The following MAST4 variants were observed in gnomAD, a reference collection of about 807,000 sequenced individuals.
MAST4 encodes the protein microtubule-associated serine/threonine-protein kinase 4.
MAST4 carries 89 observed loss-of-function variants against 162.7 expected under a neutral mutation model. The observed-to-expected ratio is 0.55, with a 90% CI of 0.46 to 0.65. The LOEUF (loss-of-function observed/expected upper bound fraction) is 0.65, where lower values mean the gene tolerates loss of function less well. MAST4 is among the 30% of genes least tolerant of loss of function. The pLI is 0.00. For synonymous variants in MAST4, 1,479 were observed against 1,361.1 expected (o/e 1.09, Z -1.91); for missense variants, 3,153 against 3,374.0 (o/e 0.93, Z 1.62).
chr5:66,696,776 A>T (rs867922805), intron 1 of MAST4, among the ~76,000 whole-genome samples: 17 of 152,022 alleles, frequency 1.1e-4, no homozygotes, highest in African/African-American at 4.1e-4. Context: ...TTACATTTGC[A>T]CTGATTGGCA....
chr5:66,614,673 C>A (rs1743546104), intron 1 of MAST4, among the ~76,000 whole-genome samples: 1 of 152,150 alleles, frequency 6.6e-6, no homozygotes, highest in African/African-American at 2.4e-5. Flanking sequence ...TCCCTCTTGT[C>A]ATTTGAACTG....
chr5:66,963,432 A>C (rs1463659478), intron 4 of MAST4, among the ~76,000 whole-genome samples: 1 of 152,242 alleles, frequency 6.6e-6, no homozygotes, highest in Non-Finnish European at 1.5e-5. Flanking sequence ...CAAAAATCAC[A>C]TGTCAAAGTT....
intron 4 of MAST4, among the ~76,000 whole-genome samples, chr5:66,905,592 G>A (rs1192926256): frequency 9.2e-5 from 14 of 152,166 alleles, no homozygotes; most frequent in Non-Finnish European, 1.5e-4. Flanking sequence ...AGCTCAATAT[G>A]AGCGACCAAG....
At chr5:66,935,967 G>A (rs577272958) in intron 4 of MAST4, among the ~76,000 whole-genome samples, 18 of 152,088 alleles carry the variant, frequency 1.2e-4, no homozygotes, top group Admixed American at 4.6e-4. Context: ...CGCACTCGGC[G>A]CCCAGTCTTT....
At chr5:66,928,314 G>A (rs1266445758) in intron 4 of MAST4, among the ~76,000 whole-genome samples, 8 of 152,134 alleles carry the variant, frequency 5.3e-5, no homozygotes, top group Non-Finnish European at 1.0e-4. Flanking sequence ...TTCAGAATGG[G>A]GTCCATAGTC....
Position 67,131,853 on chromosome 5 carries a change from C to T in MAST4, c.1995C>T (p.Leu665=), listed in dbSNP as rs267600669. The T allele has an allele frequency of 1.2e-6, 2 of 1,613,214 alleles. No homozygotes were observed. Among genetic ancestry groups the T allele is most frequent in the Non-Finnish European group, 1.7e-6 (2 of 1,179,374 alleles). The change falls in exon 16 of 29, where the codon CTC becomes CTT. Residue 665 remains leucine (L), a synonymous_variant. Transcript: ENST00000403625. ...CATLMKNMGP[L]PVDMARMYFA... ...CTTTAATGAAAAACATGGGTCCTCT[C>T]CCTGTTGATATGGCCAGAATGTACT... is the stretch of plus-strand genomic sequence containing the variant.
At chr5:66,830,199 G>C (rs1221384308) in intron 3 of MAST4, among the ~76,000 whole-genome samples, 3 of 152,140 alleles carry the variant, frequency 2.0e-5, no homozygotes, top group Admixed American at 2.0e-4. Context: ...TAATTCTTCT[G>C]TGAGTTTTCT....
At position 67,145,274 on chromosome 5, in the gene MAST4, C is replaced by T; in HGVS notation, c.2989C>T (p.Pro997Ser). 6.2e-7 allele frequency: 1 copy of T among 1,613,906 alleles called. No individual in the cohort carries two copies. Among genetic ancestry groups the T allele is most frequent in the South Asian group, 1.1e-5 (1 of 91,058 alleles). The part of the protein sequence containing the change: ...QDEAASCPGD[P>S]HEEPGKPALP... ...TGAAGCTGCCTCCTGCCCTGGAGAC[C>T]CCCATGAGGAGCCAGGAAAGCCAGC... Residue 997 changes from proline (P) to serine (S), a missense_variant, in exon 23 of 29, where the codon CCC (proline) becomes TCC (serine). Coordinates refer to ENST00000403625, the MANE Select transcript of MAST4 (RefSeq NM_001164664.2).
rs1352432722 is a variant in MAST4 at position 67,149,525 on chromosome 5, G to A, written c.3231G>A (p.Lys1077=). The change falls in exon 24 of 29, where the codon AAG becomes AAA. Residue 1077 remains lysine, a synonymous_variant. Coordinates refer to ENST00000403625, the MANE Select transcript of MAST4 (RefSeq NM_001164664.2). The part of the protein sequence containing the change: ...ARQRLESTEK[K]KISGKVTKSL... ...AGCGATTAGAAAGCACAGAAAAAAA[G>A]AAAATCTCGGGGAAAGTCACAAAGT... 2 of 1,613,566 alleles carry A rather than the reference G, an allele frequency of 1.2e-6. No homozygotes were observed.
rs149541103 is a variant in MAST4, at chr5:66,782,115, C to G, written c.518-6555C>G. The stretch of plus-strand genomic sequence containing the variant: ...GCCAGCCTGGCCGACATGGTGAAAC[C>G]CTGTCTCTATTAAAAATACAAAAAT... On this transcript the variant is annotated intron_variant, in intron 2 of 28. Transcript: ENST00000403625. Among the ~76,000 whole-genome samples, 602 of 151,878 alleles carry G rather than the reference C, an allele frequency of 4.0e-3. 4 individuals are homozygous for G. The highest frequency in any genetic ancestry group is 0.014 in the African/African-American group (568 of 41,450).
intron 13 of MAST4, among the ~76,000 whole-genome samples, chr5:67,119,451 G>A (rs1442431453): frequency 2.0e-5 from 3 of 152,130 alleles, no homozygotes; most frequent in Non-Finnish European, 2.9e-5. Flanking sequence ...GGAGCAGTCT[G>A]TGTAGCCTGG....
Position 66,640,377 on chromosome 5 carries a change from G to C in MAST4, c.363+43359G>C, listed in dbSNP as rs535286303. ...GGCTGCACTGCAGTGGCACAATCTC[G>C]GCTCACTGCAAGCTCTGCCTCCCGG... On this transcript the variant is annotated intron_variant, in intron 1 of 28. Transcript: ENST00000403625. Among the ~76,000 whole-genome samples, 6 of 150,026 alleles carry C rather than the reference G, an allele frequency of 4.0e-5. No individual in the cohort carries two copies. In the East Asian group the frequency reaches 1.2e-3, roughly 29 times the overall value.
At chr5:67,057,103 G>T (rs1758926140) in intron 5 of MAST4, among the ~76,000 whole-genome samples, 2 of 152,136 alleles carry the variant, frequency 1.3e-5, no homozygotes, top group African/African-American at 4.8e-5. Context: ...ATTTATTACT[G>T]TCTGGTAGAT....
At chr5:66,914,532 G>A (rs1320352016) in intron 4 of MAST4, among the ~76,000 whole-genome samples, 1 of 152,066 alleles carries the variant, frequency 6.6e-6, no homozygotes, top group Non-Finnish European at 1.5e-5. Flanking sequence ...GAGAGCTCAC[G>A]CTTAGCATAG....
At chr5:67,119,213 T>A (rs1326886632) in intron 13 of MAST4, among the ~76,000 whole-genome samples, 3 of 149,076 alleles carry the variant, frequency 2.0e-5, no homozygotes, top group Non-Finnish European at 4.5e-5. Context: ...GTGGGAGGAG[T>A]GGACAGGGAG....
At chr5:66,961,708 G>T (rs558928138) in intron 4 of MAST4, among the ~76,000 whole-genome samples, 2 of 152,056 alleles carry the variant, frequency 1.3e-5, no homozygotes, top group African/African-American at 2.4e-5. Flanking sequence ...GTGTGTTTCC[G>T]CATAGAGACT....
chr5:67,159,717 G>A (rs1561189619), intron 26 of MAST4, among the ~76,000 whole-genome samples: 1 of 152,116 alleles, frequency 6.6e-6, no homozygotes, highest in African/African-American at 2.4e-5. Flanking sequence ...TCCACGCTCA[G>A]TTCCATCCCT....
chr5:67,157,026 G>A (rs1290161933), intron 26 of MAST4, among the ~76,000 whole-genome samples: 1 of 152,156 alleles, frequency 6.6e-6, no homozygotes, highest in African/African-American at 2.4e-5. Context: ...CTGCATTTTT[G>A]TTATTTTTTT....
At chr5:66,775,022 TGTGTGTGTG>T (rs1754526478) in intron 2 of MAST4, among the ~76,000 whole-genome samples, 2 of 148,288 alleles carry the variant, frequency 1.3e-5, no homozygotes, top group African/African-American at 2.5e-5. Flanking sequence ...TGTGTGTGTG[TGTGTGTGTG>T]TGTGTATGTG....
Sources: allele counts gnomAD v4.1 joint callset (sites outside exome capture counted in the v4.1 genomes callset), GRCh38; gene constraint gnomAD v4.1.1; transcripts MANE v1.5; gene names NCBI Gene and HGNC (gene_info 2026-07-23, HGNC 2026-07-21).